The following ROR1 variants were observed in gnomAD, a reference collection of about 807,000 sequenced individuals.
ROR1 encodes ROR family WNT receptor 1.
In ROR1, 19 loss-of-function variants were observed where a neutral mutation model predicts 78.8. The ratio of observed to expected loss-of-function variants is 0.24; its 90% CI spans 0.17 to 0.35. ROR1 has a LOEUF of 0.35. Among genes scored for constraint, ROR1 ranks in the 10% least tolerant of loss-of-function variants. ROR1 has a pLI of 1.00. For synonymous variants in ROR1, 386 were observed against 433.6 expected, an observed-to-expected ratio of 0.89 and a Z score of 1.36; for missense variants, 917 against 1,177.8, an observed-to-expected ratio of 0.78 and a Z score of 3.24.
At chr1:63,785,832 G>A (rs1269300553) in intron 1 of ROR1, among the ~76,000 whole-genome samples, 2 of 152,040 alleles carry the variant, frequency 1.3e-5, no homozygotes, top group Non-Finnish European at 2.9e-5. Flanking sequence ...GGCCTACGCA[G>A]CAACAATTTT....
intron 8 of ROR1, among the ~76,000 whole-genome samples, chr1:64,161,598 C>T (rs1649946897): frequency 6.6e-6 from 1 of 152,156 alleles, no homozygotes; most frequent in South Asian, 2.1e-4. Context: ...GTGAAATATA[C>T]TGGCATGAGT....
intron 1 of ROR1, among the ~76,000 whole-genome samples, chr1:63,818,605 C>A (rs550778302): frequency 2.6e-5 from 4 of 152,148 alleles, no homozygotes; most frequent in Non-Finnish European, 5.9e-5. Context: ...GTGCTTAGAA[C>A]AATCTTTTTT....
intron 1 of ROR1, among the ~76,000 whole-genome samples, chr1:63,808,310 C>T (rs987333158): frequency 3.3e-5 from 5 of 152,198 alleles, no homozygotes; most frequent in African/African-American, 1.2e-4. Flanking sequence ...ATAAAGGTCA[C>T]ACTTTTGGGA....
At chr1:63,877,435 T>C (rs1243040106) in intron 1 of ROR1, among the ~76,000 whole-genome samples, 2 of 152,140 alleles carry the variant, frequency 1.3e-5, no homozygotes, top group East Asian at 3.9e-4. Context: ...TGCCTGACAA[T>C]GTGTATAAGG....
intron 1 of ROR1, among the ~76,000 whole-genome samples, chr1:63,960,152 T>A (rs534993463): frequency 3.3e-5 from 5 of 152,252 alleles, no homozygotes; most frequent in Admixed American, 2.0e-4. Context: ...ACACAACCTC[T>A]TACATCTAAA....
chr1:64,021,285 C>G (rs1297832818), intron 2 of ROR1, among the ~76,000 whole-genome samples: 1 of 152,166 alleles, frequency 6.6e-6, no homozygotes, highest in East Asian at 1.9e-4. Context: ...GAATTCTTCC[C>G]AAAGATCCTT....
At chr1:64,067,073 GGCGCAGTGGCTCAC>G (rs1646962027) in intron 4 of ROR1, among the ~76,000 whole-genome samples, 1 of 152,068 alleles carries the variant, frequency 6.6e-6, no homozygotes, top group African/African-American at 2.4e-5. Context: ...CTTGAGGCCA[GGCGCAGTGGCTCAC>G]GCCTGTTATC....
chr1:63,881,658 C>T (rs1645323838), intron 1 of ROR1, among the ~76,000 whole-genome samples: 1 of 152,126 alleles, frequency 6.6e-6, no homozygotes, highest in Non-Finnish European at 1.5e-5. Context: ...TTTTTAAATG[C>T]TACTCTCTGG....
intron 1 of ROR1, among the ~76,000 whole-genome samples, chr1:63,999,055 C>A (rs575642563): frequency 6.6e-6 from 1 of 152,318 alleles, no homozygotes; most frequent in African/African-American, 2.4e-5. Flanking sequence ...AATTGTGAGT[C>A]CATTAAACCT....
chr1:64,160,161 A>G (rs1649898270), intron 8 of ROR1, among the ~76,000 whole-genome samples: 1 of 152,092 alleles, frequency 6.6e-6, no homozygotes, highest in African/African-American at 2.4e-5. Context: ...TGATCCTCAT[A>G]AAGAGGAGAA....
intron 1 of ROR1, among the ~76,000 whole-genome samples, chr1:63,947,751 T>C (rs192751993): frequency 6.6e-6 from 1 of 152,286 alleles, no homozygotes; most frequent in Non-Finnish European, 1.5e-5. Flanking sequence ...CTGCATCTGT[T>C]ACAGTGGAGA....
chr1:64,014,682 C>G (rs1172241834), intron 2 of ROR1, among the ~76,000 whole-genome samples: 1 of 118,002 alleles, frequency 8.5e-6, no homozygotes, highest in African/African-American at 3.1e-5. Flanking sequence ...AGGCCTGTTT[C>G]CAACTGCAAA....
intron 2 of ROR1, among the ~76,000 whole-genome samples, chr1:64,011,890 C>T (rs1387480636): frequency 4.6e-5 from 7 of 152,176 alleles, no homozygotes; most frequent in African/African-American, 9.7e-5. Flanking sequence ...GGCCCCTGTC[C>T]TCCATGAACT....
At chr1:63,794,918 G>A (rs902932687) in intron 1 of ROR1, among the ~76,000 whole-genome samples, 3 of 152,146 alleles carry the variant, frequency 2.0e-5, no homozygotes, top group Non-Finnish European at 4.4e-5. Context: ...GCAGTCGTTT[G>A]GGGTGGGTGG....
At chr1:64,016,382 A>G (rs530707501) in intron 2 of ROR1, among the ~76,000 whole-genome samples, 1 of 152,358 alleles carries the variant, frequency 6.6e-6, no homozygotes, top group Non-Finnish European at 1.5e-5. Flanking sequence ...TACATTGATT[A>G]CATGTTGAAA....
chr1:64,018,059 AC>A (rs1553151837), intron 2 of ROR1, among the ~76,000 whole-genome samples: 1 of 151,950 alleles, frequency 6.6e-6, no homozygotes, highest in Non-Finnish European at 1.5e-5. Flanking sequence ...CTCCTGTTGC[AC>A]CCACTTCAAA....
chr1:64,157,434 C>T (rs1157444923), intron 7 of ROR1, among the ~76,000 whole-genome samples: 1 of 152,152 alleles, frequency 6.6e-6, no homozygotes, highest in African/African-American at 2.4e-5. Context: ...CCACTGCACC[C>T]AGCCTAAAAT....
intron 1 of ROR1, among the ~76,000 whole-genome samples, chr1:63,848,282 A>G (rs1645093781): frequency 6.6e-6 from 1 of 152,170 alleles, no homozygotes; most frequent in South Asian, 2.1e-4. Context: ...TTCATTTTTA[A>G]CTCCAGAAGC....
chr1:63,914,530 A>C (rs1305636560), intron 1 of ROR1, among the ~76,000 whole-genome samples: 1 of 152,186 alleles, frequency 6.6e-6, no homozygotes, highest in Admixed American at 6.5e-5. Context: ...CTGTTATGCA[A>C]AGCTGAGAAC....
Sources: gnomAD v4.1 joint callset for allele counts (sites outside exome capture counted in the v4.1 genomes callset) on GRCh38, gnomAD v4.1.1 for gene constraint, MANE v1.5 for transcripts, NCBI Gene and HGNC (gene_info 2026-07-23, HGNC 2026-07-21) for gene names.